The following MICU1 variants were observed in gnomAD, a reference collection of about 807,000 sequenced individuals.
MICU1 encodes the protein calcium uptake protein 1, mitochondrial.
A neutral mutation model predicts 56.8 loss-of-function variants in MICU1; 45 were observed. The observed-to-expected ratio is 0.79, with a 90% confidence interval of 0.62 to 1.02. MICU1 has a LOEUF of 1.02. Ranked by LOEUF, MICU1 falls within the 50% of genes least tolerant of loss-of-function variation. MICU1 has a pLI of 0.00. For missense variants in MICU1, 504 were observed against 587.1 expected (o/e 0.86, Z 1.46); for synonymous variants, 186 against 195.1 (o/e 0.95, Z 0.39).
chr10:72,490,408 A>T (rs1025748196), intron 6 of MICU1, among the ~76,000 whole-genome samples: 2 of 152,204 alleles, frequency 1.3e-5, no homozygotes, highest in African/African-American at 4.8e-5. Flanking sequence ...GAAGAGATAA[A>T]TACAGATGTA....
intron 4 of MICU1, among the ~76,000 whole-genome samples, chr10:72,536,980 C>G (rs2132417605): frequency 6.6e-6 from 1 of 152,130 alleles, no homozygotes; most frequent in South Asian, 2.1e-4. Context: ...AAGGTGGTTA[C>G]TTCTGTGACA....
chr10:72,623,088 G>A (rs1287269986), intron 1 of MICU1, among the ~76,000 whole-genome samples: 1 of 151,742 alleles, frequency 6.6e-6, no homozygotes, highest in African/African-American at 2.4e-5. Flanking sequence ...GGCCAACATA[G>A]TAAAACCCCA....
At chr10:72,482,712 A>T (rs532484351) in intron 6 of MICU1, among the ~76,000 whole-genome samples, 9 of 152,008 alleles carry the variant, frequency 5.9e-5, no homozygotes, top group Non-Finnish European at 1.0e-4. Context: ...ATACATATAA[A>T]CTATTATCAT....
At chr10:72,419,169 A>G (rs1045815214) in intron 9 of MICU1, among the ~76,000 whole-genome samples, 7 of 152,238 alleles carry the variant, frequency 4.6e-5, no homozygotes, top group African/African-American at 1.7e-4. Context: ...AGTCAAATCA[A>G]TATCTGGACC....
At chr10:72,467,442 CA>C (rs1312927768) in intron 8 of MICU1, among the ~76,000 whole-genome samples, 1 of 152,130 alleles carries the variant, frequency 6.6e-6, no homozygotes, top group African/African-American at 2.4e-5. Context: ...CTCTTCCTCC[CA>C]AAGTGCTGGG....
chr10:72,555,031 T>C (rs1297440311), intron 3 of MICU1, among the ~76,000 whole-genome samples: 1 of 151,292 alleles, frequency 6.6e-6, no homozygotes, highest in Non-Finnish European at 1.5e-5. Flanking sequence ...AAACAAAACA[T>C]ACAAAAAAAC....
At chr10:72,419,574 C>T (rs1261429792) in intron 9 of MICU1, among the ~76,000 whole-genome samples, 1 of 152,188 alleles carries the variant, frequency 6.6e-6, no homozygotes, top group Non-Finnish European at 1.5e-5. Flanking sequence ...AAGGGTTTTC[C>T]ACCAAGTTAG....
intron 8 of MICU1, among the ~76,000 whole-genome samples, chr10:72,450,857 T>C (rs1302759949): frequency 6.6e-6 from 1 of 151,524 alleles, no homozygotes; most frequent in African/African-American, 2.4e-5. Flanking sequence ...CCCAAGTAGC[T>C]GGGATTACAG....
intron 5 of MICU1, among the ~76,000 whole-genome samples, chr10:72,528,571 T>C (rs1226949957): frequency 1.3e-5 from 2 of 152,194 alleles, no homozygotes; most frequent in African/African-American, 4.8e-5. Context: ...TAACCTGTTA[T>C]CTAAATTTGA....
At chr10:72,407,853 C>T (rs1863678470) in intron 10 of MICU1, 76 bp downstream of exon 10, 2 of 911,400 alleles carry the variant, frequency 2.2e-6, no homozygotes, top group African/African-American at 1.7e-5. Flanking sequence ...TTTTACTGTT[C>T]AGGAGGGGCA....
chr10:72,431,594 C>T lies in MICU1; in HGVS notation c.934-8223G>A, dbSNP rs80049656. Among the ~76,000 whole-genome samples the T allele has an allele frequency of 2.8e-3, 431 of 152,200 alleles. 3 individuals are homozygous for T. Among genetic ancestry groups the T allele is most frequent in the African/African-American group, 9.8e-3 (407 of 41,520 alleles). On this transcript the variant is annotated intron_variant, in intron 8 of 11. Transcript: ENST00000361114. The stretch of plus-strand genomic sequence containing the variant: ...GGTATATATCTGGAAGTGGAACTGC[C>T]GGCCTTTCAAGATAATGCCCAATCA...
At chr10:72,495,970 A>AT (rs757363312) in intron 6 of MICU1, among the ~76,000 whole-genome samples, 5,381 of 145,266 alleles carry the variant, frequency 0.037, 299 homozygotes, top group African/African-American at 0.12. Context: ...ATCATTTGGA[A>AT]TTTTTTTTTT....
At chr10:72,497,207 A>G (rs2132318594) in intron 6 of MICU1, among the ~76,000 whole-genome samples, 2 of 152,026 alleles carry the variant, frequency 1.3e-5, no homozygotes, top group Middle Eastern at 6.8e-3. Context: ...TTACAGGCAC[A>G]TGCCACTGCA....
chr10:72,552,648 G>A lies in MICU1; in HGVS notation c.331-1307C>T, dbSNP rs369369306. On this transcript the variant is annotated intron_variant, in intron 3 of 11. Transcript: ENST00000361114. ...TCGGCTCACTGCAACCTTCGCCTCC[G>A]GGTTCAATCAATTCTCCTGCCTCAG... 1.3e-3 allele frequency among the ~76,000 whole-genome samples: 205 copies of A among 152,044 alleles called. 1 individual carries two copies. The highest frequency in any genetic ancestry group is 4.1e-3 in the African/African-American group (171 of 41,456).
intron 5 of MICU1, among the ~76,000 whole-genome samples, chr10:72,521,532 G>C (rs1347497283): frequency 6.6e-6 from 1 of 151,998 alleles, no homozygotes; most frequent in Admixed American, 6.6e-5. Context: ...CTTTATATTT[G>C]CATTATCTCT....
At chr10:72,422,892 T>C (rs996774424) in intron 9 of MICU1, among the ~76,000 whole-genome samples, 1 of 148,534 alleles carries the variant, frequency 6.7e-6, no homozygotes, top group Non-Finnish European at 1.5e-5. Flanking sequence ...GTATTTTTAG[T>C]AGAGATGGGG....
intron 4 of MICU1, among the ~76,000 whole-genome samples, chr10:72,544,346 G>C (rs1304052048): frequency 7.9e-5 from 12 of 152,140 alleles, no homozygotes; most frequent in African/African-American, 2.7e-4. Flanking sequence ...GAGGGGTTTT[G>C]TCTGCGGCCT....
intron 1 of MICU1, among the ~76,000 whole-genome samples, chr10:72,577,733 T>A (rs12777811): frequency 0.63 from 95,564 of 151,836 alleles, 31,614 homozygotes; most frequent in African/African-American, 0.72. Flanking sequence ...AAATTTTTTT[T>A]AAAGTAAAGC....
intron 6 of MICU1, among the ~76,000 whole-genome samples, chr10:72,494,405 T>C (rs1564901047): frequency 1.3e-5 from 2 of 152,040 alleles, no homozygotes; most frequent in Non-Finnish European, 2.9e-5. Context: ...ATTCTGAACA[T>C]AAAGAAAAAA....
Sources: gnomAD v4.1 joint callset for allele counts (sites outside exome capture counted in the v4.1 genomes callset) on GRCh38, gnomAD v4.1.1 for gene constraint, MANE v1.5 for transcripts, NCBI Gene and HGNC (gene_info 2026-07-23, HGNC 2026-07-21) for gene names.